Variants in C1QTNF3 observed in about 807,000 individuals in gnomAD.
C1QTNF3 encodes the protein complement C1q tumor necrosis factor-related protein 3.
A neutral mutation model predicts 32.6 loss-of-function variants in C1QTNF3; 26 were observed. The ratio of observed to expected loss-of-function variants is 0.80; its 90% CI spans 0.58 to 1.11. The LOEUF (loss-of-function observed/expected upper bound fraction) is 1.11, where lower values mean the gene tolerates loss of function less well. Among genes scored for constraint, C1QTNF3 ranks in the 50% least tolerant of loss-of-function variants. The pLI, the probability that C1QTNF3 is intolerant of heterozygous loss-of-function variation, is 0.00. For missense variants in C1QTNF3, 362 were observed against 398.2 expected (o/e 0.91, Z 0.77); for synonymous variants, 155 against 146.0 (o/e 1.06, Z -0.44).
In C1QTNF3 at chr5:34,023,875, A is replaced by G. The variant is rs563668055; in HGVS notation, c.800+34T>C. 9.0e-6 allele frequency: 14 copies of G among 1,548,378 alleles called. No individual in the cohort carries two copies. The South Asian group carries it at 1.1e-4, about 12-fold the overall frequency. On this transcript the variant is annotated intron_variant, in intron 5 of 5. Coordinates refer to ENST00000382065, the MANE Select transcript of C1QTNF3 (RefSeq NM_181435.6). Reference sequence around the variant, plus strand: ...CATTCCTTGAACAAACAATGGCAGCATGGATGAGACCCATGACAGAAAAGA... The same window carrying G: ...CATTCCTTGAACAAACAATGGCAGCGTGGATGAGACCCATGACAGAAAAGA...
Position 34,024,009 on chromosome 5 carries a change from CT to C in C1QTNF3, c.701-2del. 1.2e-6 allele frequency: 2 copies of C among 1,612,906 alleles called. No homozygotes were observed. Among genetic ancestry groups the C allele is most frequent in the Non-Finnish European group, 1.7e-6 (2 of 1,179,228 alleles). On this transcript the variant is annotated splice_acceptor_variant, in intron 4 of 5. Coordinates refer to ENST00000382065, the MANE Select transcript of C1QTNF3 (RefSeq NM_181435.6). LOFTEE classifies it high-confidence loss of function. The stretch of plus-strand genomic sequence containing the variant: ...ATGCTGAAGGTGAAGAAATACACAC[CT>C]GAAAAAAGCAGGTATATATCCATGT...
chr5:34,045,465 CAAAAG>C (rs2112129879), upstream of C1QTNF3, among the ~76,000 whole-genome samples: 1 of 152,258 alleles, frequency 6.6e-6, no homozygotes, highest in East Asian at 1.9e-4. Context: ...CTCATTGACT[CAAAAG>C]GAATAAATAA....
chr5:34,062,961 C>T, the C1QTNF3 span, among the ~76,000 whole-genome samples: 1 of 152,072 alleles, frequency 6.6e-6, no homozygotes, highest in Admixed American at 6.6e-5. Flanking sequence ...GTCAGCAAAG[C>T]AGTTGCTGCT....
chr5:34,219,145 G>T, the C1QTNF3 span, among the ~76,000 whole-genome samples: 2 of 151,978 alleles, frequency 1.3e-5, no homozygotes, highest in African/African-American at 4.8e-5. Context: ...TCTTAAAGAG[G>T]ATATGTATTT....
At chr5:34,223,108 T>C in the C1QTNF3 span, among the ~76,000 whole-genome samples, 2 of 151,232 alleles carry the variant, frequency 1.3e-5, no homozygotes, top group Non-Finnish European at 1.5e-5. Flanking sequence ...CATGCTGGTG[T>C]GCTGCACCCA....
the C1QTNF3 span, among the ~76,000 whole-genome samples, chr5:34,051,573 C>A: frequency 4.1e-4 from 62 of 152,298 alleles, no homozygotes; most frequent in African/African-American, 1.5e-3. Context: ...ACTGCCTGAG[C>A]TCAAATAAGG....
chr5:34,090,719 C>T, the C1QTNF3 span, among the ~76,000 whole-genome samples: 83 of 152,114 alleles, frequency 5.5e-4, no homozygotes, highest in African/African-American at 1.7e-3. Context: ...GCAATTAGTG[C>T]CCTTATAAAA....
the C1QTNF3 span, among the ~76,000 whole-genome samples, chr5:34,125,030 G>C: frequency 6.6e-6 from 1 of 152,180 alleles, no homozygotes; most frequent in African/African-American, 2.4e-5. Context: ...AGAGGTGATG[G>C]AGAGAGGAAA....
chr5:34,042,395 C>CA (rs1179046460), intron 1 of C1QTNF3, among the ~76,000 whole-genome samples: 1 of 152,114 alleles, frequency 6.6e-6, no homozygotes, highest in Non-Finnish European at 1.5e-5. Context: ...TTGACAAACT[C>CA]AAAGGGCAGC....
At chr5:34,178,142 A>G in the C1QTNF3 span, among the ~76,000 whole-genome samples, 1 of 144,756 alleles carries the variant, frequency 6.9e-6, no homozygotes, top group East Asian at 2.0e-4. Context: ...TTAGGTGAGC[A>G]TGGTGGTGCA....
At chr5:34,240,821 G>C in the C1QTNF3 span, among the ~76,000 whole-genome samples, 3 of 151,970 alleles carry the variant, frequency 2.0e-5, no homozygotes, top group Admixed American at 6.6e-5. Context: ...CAAAAAAAAA[G>C]AACATTCAGG....
the C1QTNF3 span, among the ~76,000 whole-genome samples, chr5:34,091,020 T>C: frequency 6.6e-6 from 1 of 152,224 alleles, no homozygotes; most frequent in Admixed American, 6.5e-5. Flanking sequence ...ACCAGATCCT[T>C]GGTATTTGTA....
chr5:34,209,551 A>AT, the C1QTNF3 span, among the ~76,000 whole-genome samples: 1 of 151,948 alleles, frequency 6.6e-6, no homozygotes, highest in African/African-American at 2.4e-5. Flanking sequence ...ATTATTACTA[A>AT]TAGAAAATCT....
At chr5:34,223,110 C>A in the C1QTNF3 span, among the ~76,000 whole-genome samples, 2 of 151,024 alleles carry the variant, frequency 1.3e-5, no homozygotes, top group South Asian at 2.1e-4. Context: ...TGCTGGTGTG[C>A]TGCACCCATT....
the C1QTNF3 span, among the ~76,000 whole-genome samples, chr5:34,161,543 T>C: frequency 6.6e-6 from 1 of 152,208 alleles, no homozygotes; most frequent in African/African-American, 2.4e-5. Flanking sequence ...ATATGTATAT[T>C]AGCAGTTTTT....
intron 1 of C1QTNF3, among the ~76,000 whole-genome samples, chr5:34,039,733 C>T (rs774307703): frequency 6.6e-6 from 1 of 152,154 alleles, no homozygotes; most frequent in Non-Finnish European, 1.5e-5. Flanking sequence ...CCACTACAGT[C>T]GTCTCGCATT....
intron 2 of C1QTNF3, among the ~76,000 whole-genome samples, chr5:34,033,986 A>T (rs191321596): frequency 1.3e-4 from 20 of 152,304 alleles, no homozygotes. Context: ...ATATGGTGAG[A>T]TCCCATCTTT....
chr5:34,027,208 T>C lies in C1QTNF3; in HGVS notation c.700+1546A>G, dbSNP rs1421435528. 2.6e-5 allele frequency among the ~76,000 whole-genome samples: 4 copies of C among 152,228 alleles called. No individual in the cohort carries two copies. The East Asian group carries it at 5.8e-4, about 22-fold the overall frequency. On this transcript the variant is annotated intron_variant, in intron 4 of 5. Coordinates refer to ENST00000382065, the MANE Select transcript of C1QTNF3 (RefSeq NM_181435.6). ...AGTGGGATTTTCTATTTATCAACTA[T>C]CCAGAAACTTGAAAGCACATTTTGT... is the stretch of plus-strand genomic sequence containing the variant.
At chr5:34,213,764 C>T in the C1QTNF3 span, among the ~76,000 whole-genome samples, 4 of 95,306 alleles carry the variant, frequency 4.2e-5, no homozygotes, top group Non-Finnish European at 6.6e-5. Context: ...TATATACACA[C>T]ACACACATAC....
Sources: gnomAD v4.1 joint callset for allele counts (sites outside exome capture counted in the v4.1 genomes callset) on GRCh38, gnomAD v4.1.1 for gene constraint, MANE v1.5 for transcripts, NCBI Gene and HGNC (gene_info 2026-07-23, HGNC 2026-07-21) for gene names.